RNFT2: variants seen among roughly 807,000 people sequenced by gnomAD.
The protein encoded by RNFT2 is ring finger protein, transmembrane 2.
A neutral mutation model predicts 53.0 loss-of-function variants in RNFT2; 36 were observed. The observed-to-expected ratio is 0.68, with a 90% CI of 0.52 to 0.90. The LOEUF (loss-of-function observed/expected upper bound fraction) is 0.90, where lower values mean the gene tolerates loss of function less well. Among genes scored for constraint, RNFT2 ranks in the 40% least tolerant of loss-of-function variants. RNFT2 has a pLI of 0.00. For synonymous variants in RNFT2, 260 were observed against 253.2 expected, an observed-to-expected ratio of 1.03 and a Z score of -0.26; for missense variants, 514 against 585.6, an observed-to-expected ratio of 0.88 and a Z score of 1.26.
chr12:116,768,143 C>T (rs1031078240), intron 6 of RNFT2, among the ~76,000 whole-genome samples: 1 of 150,840 alleles, frequency 6.6e-6, no homozygotes, highest in Non-Finnish European at 1.5e-5. Context: ...CTTTGTTGCC[C>T]AGGCTGGGGT....
chr12:116,752,174 AC>A (rs1338703717), intron 4 of RNFT2, among the ~76,000 whole-genome samples: 1 of 128,856 alleles, frequency 7.8e-6, no homozygotes, highest in Non-Finnish European at 1.6e-5. Flanking sequence ...ACATAGTGAG[AC>A]CCTATCTCTA....
rs750193491 is a variant in RNFT2 at position 116,849,845 on chromosome 12, CTTTT to C, written c.*410_*413del. ...CCCTCCCTCCTTCCTTCCTTCCTTCCTTTTTTTTTTTTTTTTAAAACAAGGTCTC... is the reference window on the plus strand; with the variant it reads ...CCCTCCCTCCTTCCTTCCTTCCTTCCTTTTTTTTTTTTAAAACAAGGTCTC... On this transcript the variant is annotated 3_prime_UTR_variant, in exon 11 of 11. Transcript: ENST00000257575. 8.9e-5 allele frequency: 7 copies of C among 78,964 alleles called. No homozygotes were observed. Among genetic ancestry groups the C allele is most frequent in the African/African-American group, 2.9e-4 (5 of 17,066 alleles). The allele number at this position is 78,964 out of a possible 1,614,324, so 4.9% of individuals were successfully genotyped here.
intron 10 of RNFT2, among the ~76,000 whole-genome samples, chr12:116,840,479 CA>C (rs1241714995): frequency 6.6e-6 from 1 of 152,174 alleles, no homozygotes; most frequent in Non-Finnish European, 1.5e-5. Context: ...ATTACAAGAT[CA>C]GAGCACTTTT....
chr12:116,808,008 G>C (rs1875169497), intron 7 of RNFT2, among the ~76,000 whole-genome samples: 1 of 152,070 alleles, frequency 6.6e-6, no homozygotes, highest in Non-Finnish European at 1.5e-5. Flanking sequence ...CGCTCTTGTT[G>C]CCCAGGCTGG....
At chr12:116,749,780 C>T in intron 3 of RNFT2, 61 bp from the exon 4 acceptor site, 3 of 1,440,714 alleles carry the variant, frequency 2.1e-6, no homozygotes, top group Non-Finnish European at 2.9e-6. Context: ...CCATCCTCCT[C>T]TGGAGTAAGG....
At chr12:116,781,546 C>T (rs1242157269) in intron 7 of RNFT2, among the ~76,000 whole-genome samples, 1 of 151,914 alleles carries the variant, frequency 6.6e-6, no homozygotes, top group Non-Finnish European at 1.5e-5. Context: ...GTTCTTCCTC[C>T]GTCTTCCGAG....
chr12:116,791,562 G>A (rs1592960657), intron 7 of RNFT2, among the ~76,000 whole-genome samples: 1 of 152,108 alleles, frequency 6.6e-6, no homozygotes, highest in African/African-American at 2.4e-5. Flanking sequence ...TGCCCACCTC[G>A]GCCTCCCAAA....
intron 7 of RNFT2, among the ~76,000 whole-genome samples, chr12:116,795,304 A>G (rs1874451686): frequency 6.6e-6 from 1 of 151,918 alleles, no homozygotes; most frequent in Non-Finnish European, 1.5e-5. Flanking sequence ...GCTACTCCAG[A>G]GGCTGAGTCA....
chr12:116,753,414 G>A (rs56174906), intron 4 of RNFT2, among the ~76,000 whole-genome samples: 11,780 of 152,178 alleles, frequency 0.077, 600 homozygotes, highest in South Asian at 0.15. Flanking sequence ...GCCTCCCAAA[G>A]TGCTGGGATT....
chr12:116,739,780 C>T (rs1871511093), intron 1 of RNFT2, among the ~76,000 whole-genome samples: 1 of 152,210 alleles, frequency 6.6e-6, no homozygotes, highest in South Asian at 2.1e-4. Flanking sequence ...AGGAAGAACC[C>T]GTAGGCTATG....
chr12:116,772,354 T>C (rs1232307873), intron 6 of RNFT2, among the ~76,000 whole-genome samples: 3 of 152,256 alleles, frequency 2.0e-5, no homozygotes, highest in Non-Finnish European at 4.4e-5. Flanking sequence ...GTCACCAGGC[T>C]GAAGTGCTGT....
intron 7 of RNFT2, among the ~76,000 whole-genome samples, chr12:116,800,823 TA>T (rs1172785199): frequency 5.4e-5 from 7 of 128,906 alleles, no homozygotes; most frequent in African/African-American, 2.3e-4. Flanking sequence ...TAAAATAAAA[TA>T]AAATAAAATA....
At chr12:116,787,989 G>A (rs1017965351) in intron 7 of RNFT2, among the ~76,000 whole-genome samples, 3 of 152,232 alleles carry the variant, frequency 2.0e-5, no homozygotes, top group African/African-American at 2.4e-5. Flanking sequence ...GTGCAATGGC[G>A]CAATCTCGGC....
intron 7 of RNFT2, among the ~76,000 whole-genome samples, chr12:116,827,355 C>T (rs566623429): frequency 6.6e-6 from 1 of 152,228 alleles, no homozygotes; most frequent in Non-Finnish European, 1.5e-5. Context: ...AGCTGAGACC[C>T]AAAAGATGAA....
In RNFT2 at chr12:116,836,191, T is replaced by C; in HGVS notation, c.1109T>C (p.Val370Ala). ...TCCCCTCCCTCAAAGAACTATGGAG[T>C]CCGAGCCACCGGGCAGCAGTGCACA... ...KLLCTSQNYG[V>A]RATGQQCTEA... Residue 370 changes from valine to alanine, a missense_variant, in exon 10 of 11, where the codon GTC becomes GCC. Around this residue, in one of 3 missense-constraint regions of RNFT2, gnomAD observed 273 missense variants for 334.4 expected, o/e 0.82. Coordinates refer to ENST00000257575, the MANE Select transcript of RNFT2 (RefSeq NM_001382266.1). 6.3e-7 allele frequency: 1 copy of C among 1,595,306 alleles called. No homozygotes were observed. Among genetic ancestry groups the C allele is most frequent in the African/African-American group, 1.3e-5 (1 of 74,588 alleles).
At chr12:116,831,090 T>C (rs2137197590) in intron 7 of RNFT2, among the ~76,000 whole-genome samples, 1 of 151,764 alleles carries the variant, frequency 6.6e-6, no homozygotes, top group East Asian at 2.0e-4. Flanking sequence ...CCAGGTGCAA[T>C]GGCTCATGCC....
In RNFT2 at chr12:116,746,406, G is replaced by T. The variant is rs566761675; in HGVS notation, c.84-3435G>T. 3.9e-5 allele frequency among the ~76,000 whole-genome samples: 6 copies of T among 152,218 alleles called. No individual in the cohort carries two copies. The South Asian group carries it at 1.2e-3, about 32-fold the overall frequency. ...CAGGATTGAGAGCCACAGGTCTCAA[G>T]GGAAAGATGAGGAATAAAATAACAG... On this transcript the variant is annotated intron_variant, in intron 3 of 10. Coordinates refer to ENST00000257575, the MANE Select transcript of RNFT2 (RefSeq NM_001382266.1).
chr12:116,790,482 GC>G (rs1414250384), intron 7 of RNFT2, among the ~76,000 whole-genome samples: 1 of 152,198 alleles, frequency 6.6e-6, no homozygotes. Context: ...TAAATAACTT[GC>G]AAAAGAGCGC....
At chr12:116,818,202 G>T (rs186367994) in intron 7 of RNFT2, among the ~76,000 whole-genome samples, 12 of 152,076 alleles carry the variant, frequency 7.9e-5, no homozygotes, top group African/African-American at 2.9e-4. Context: ...ACACACCTGT[G>T]GTCCCAGCTA....
Sources: gnomAD v4.1 joint callset for allele counts (sites outside exome capture counted in the v4.1 genomes callset) on GRCh38, gnomAD v4.1.1 for gene constraint, gnomAD v4.1.1 regional missense constraint, MANE v1.5 for transcripts, NCBI Gene and HGNC (gene_info 2026-07-23, HGNC 2026-07-21) for gene names.